PKNOX2: variants seen among roughly 807,000 people sequenced by gnomAD.
PKNOX2 encodes homeobox protein PKNOX2.
A neutral mutation model predicts 53.1 loss-of-function variants in PKNOX2; 14 were observed. That is an observed-to-expected ratio of 0.26 (90% CI 0.17 to 0.41). The LOEUF is 0.41. PKNOX2 is among the 10% of genes least tolerant of loss of function. The probability of loss-of-function intolerance (pLI) is 1.00; values close to 1 mark genes in which losing one functional copy is unlikely to be tolerated. For synonymous variants in PKNOX2, 257 were observed against 242.8 expected (o/e 1.06, Z -0.54); for missense variants, 496 against 602.8 (o/e 0.82, Z 1.85).
At chr11:125,357,128 C>T (rs1951662633) in intron 4 of PKNOX2, among the ~76,000 whole-genome samples, 1 of 152,232 alleles carries the variant, frequency 6.6e-6, no homozygotes, top group African/African-American at 2.4e-5. Context: ...CCCACCTTCC[C>T]TTGCTTCGAC....
chr11:125,279,537 A>C (rs895656740), intron 2 of PKNOX2, among the ~76,000 whole-genome samples: 2 of 152,196 alleles, frequency 1.3e-5, no homozygotes, highest in African/African-American at 4.8e-5. Flanking sequence ...GGTATGCCTC[A>C]CCTTGCCATT....
At chr11:125,356,554 T>C (rs11220032) in intron 4 of PKNOX2, among the ~76,000 whole-genome samples, 7,717 of 152,036 alleles carry the variant, frequency 0.051, 654 homozygotes, top group African/African-American at 0.17. Flanking sequence ...TCCCTCAGAG[T>C]GGGGAGAATG....
chr11:125,313,015 T>C (rs1948918760), intron 2 of PKNOX2, among the ~76,000 whole-genome samples: 1 of 152,174 alleles, frequency 6.6e-6, no homozygotes, highest in Non-Finnish European at 1.5e-5. Flanking sequence ...CCAAGCCCAC[T>C]GGAGGCCCGT....
chr11:125,278,497 G>C lies in PKNOX2; in HGVS notation c.-130+43382G>C, dbSNP rs555197942. On this transcript the variant is annotated intron_variant, in intron 2 of 12. Coordinates refer to ENST00000298282, the MANE Select transcript of PKNOX2 (RefSeq NM_001382323.2). ...CATCAGCTAGGACCCTCAGACTCCCGATGATGGCTCAGGCGAATGGGAAGT... is the reference window on the plus strand; with the variant it reads ...CATCAGCTAGGACCCTCAGACTCCCCATGATGGCTCAGGCGAATGGGAAGT... Among the ~76,000 whole-genome samples the C allele has an allele frequency of 5.0e-4, 76 of 152,320 alleles. No individual in the cohort carries two copies. In the Middle Eastern group the frequency reaches 0.01, roughly 20 times the overall value.
At chr11:125,399,507 CA>C (rs1356393494) in intron 7 of PKNOX2, among the ~76,000 whole-genome samples, 1 of 152,036 alleles carries the variant, frequency 6.6e-6, no homozygotes, top group East Asian at 1.9e-4. Flanking sequence ...GAGGCCTCGC[CA>C]AATGGAGATG....
At position 125,244,952 on chromosome 11, in the gene PKNOX2, G is replaced by A. The variant is rs116134138; in HGVS notation, c.-130+9837G>A. Among the ~76,000 whole-genome samples the A allele has an allele frequency of 3.3e-3, 509 of 152,224 alleles. 2 individuals are homozygous for A. Among genetic ancestry groups the A allele is most frequent in the African/African-American group, 0.011 (473 of 41,528 alleles). ...GGGCTTGAGACTACCTGGTCTCATG[G>A]GGGAGACTGGGTGAATTTAATTAAT... On this transcript the variant is annotated intron_variant, in intron 2 of 12. Coordinates refer to ENST00000298282, the MANE Select transcript of PKNOX2 (RefSeq NM_001382323.2).
chr11:125,423,700 C>T (rs1956277967), intron 10 of PKNOX2, among the ~76,000 whole-genome samples: 2 of 152,254 alleles, frequency 1.3e-5, no homozygotes, highest in South Asian at 2.1e-4. Flanking sequence ...GACCCAAAGC[C>T]CCTGTAGTAG....
At chr11:125,334,599 T>A (rs990674047) in intron 3 of PKNOX2, among the ~76,000 whole-genome samples, 3 of 142,356 alleles carry the variant, frequency 2.1e-5, no homozygotes, top group African/African-American at 9.1e-5. Context: ...TTTTTTTTTT[T>A]TTTCTTTTCA....
chr11:125,377,704 G>A (rs1211984159), intron 5 of PKNOX2, among the ~76,000 whole-genome samples: 1 of 152,194 alleles, frequency 6.6e-6, no homozygotes, highest in Non-Finnish European at 1.5e-5. Context: ...GAATTGGCTT[G>A]AGCCACACAT....
chr11:125,404,612 AACAC>A (rs145987682), intron 7 of PKNOX2, among the ~76,000 whole-genome samples: 2 of 150,910 alleles, frequency 1.3e-5, no homozygotes, highest in Admixed American at 6.6e-5. Flanking sequence ...CACACACACA[AACAC>A]ACACATCACA....
At chr11:125,298,734 G>T (rs1186383048) in intron 2 of PKNOX2, among the ~76,000 whole-genome samples, 1 of 152,186 alleles carries the variant, frequency 6.6e-6, no homozygotes, top group Non-Finnish European at 1.5e-5. Context: ...ACAGTGCAAG[G>T]CTGTCAGAAG....
At chr11:125,212,449 CTTTTTT>C (rs796083611) in intron 1 of PKNOX2, among the ~76,000 whole-genome samples, 25,688 of 105,582 alleles carry the variant, frequency 0.24, 2,584 homozygotes, top group African/African-American at 0.28. Flanking sequence ...GGAGGGGATT[CTTTTTT>C]TTTTTTTTTT....
intron 1 of PKNOX2, among the ~76,000 whole-genome samples, chr11:125,223,753 T>A (rs979129844): frequency 1.3e-5 from 2 of 152,238 alleles, no homozygotes; most frequent in African/African-American, 4.8e-5. Flanking sequence ...CCAGTATTTT[T>A]ATACTACGTT....
At chr11:125,364,885 G>C (rs968203501) in intron 4 of PKNOX2, among the ~76,000 whole-genome samples, 1 of 152,062 alleles carries the variant, frequency 6.6e-6, no homozygotes, top group Non-Finnish European at 1.5e-5. Context: ...CAGCCACCCA[G>C]CTGAAGCTCC....
At chr11:125,203,701 G>A (rs748615020) in intron 1 of PKNOX2, among the ~76,000 whole-genome samples, 1 of 152,218 alleles carries the variant, frequency 6.6e-6, no homozygotes, top group Non-Finnish European at 1.5e-5. Context: ...GCTGAGCCCT[G>A]GATAGGGTGG....
intron 1 of PKNOX2, among the ~76,000 whole-genome samples, chr11:125,218,697 G>A (rs1002516979): frequency 9.2e-5 from 14 of 152,142 alleles, no homozygotes; most frequent in Non-Finnish European, 1.5e-4. Flanking sequence ...GCAGCAGTGC[G>A]CATGGATTAG....
intron 2 of PKNOX2, among the ~76,000 whole-genome samples, chr11:125,314,238 AC>A (rs1300467885): frequency 1.3e-5 from 2 of 152,140 alleles, no homozygotes; most frequent in Non-Finnish European, 1.5e-5. Context: ...AAAGAGAGGC[AC>A]CTGGGGGATT....
At chr11:125,360,047 G>A (rs1000854792) in intron 4 of PKNOX2, among the ~76,000 whole-genome samples, 1 of 152,010 alleles carries the variant, frequency 6.6e-6, no homozygotes. Flanking sequence ...ACGGGAGGCT[G>A]AAGCAGGAGA....
At chr11:125,243,059 A>T (rs1943281225) in intron 2 of PKNOX2, among the ~76,000 whole-genome samples, 1 of 152,230 alleles carries the variant, frequency 6.6e-6, no homozygotes, top group Non-Finnish European at 1.5e-5. Flanking sequence ...TTGTTGGTGG[A>T]GGATTAAAAG....
Sources: allele counts gnomAD v4.1 joint callset (sites outside exome capture counted in the v4.1 genomes callset), GRCh38; gene constraint gnomAD v4.1.1; transcripts MANE v1.5; gene names NCBI Gene and HGNC (gene_info 2026-07-23, HGNC 2026-07-21).